The following KLRF2 variants were observed in gnomAD, a reference collection of about 807,000 sequenced individuals.
KLRF2 encodes killer cell lectin like receptor F2.
KLRF2 carries 28 observed loss-of-function variants against 25.3 expected under a neutral mutation model. The observed-to-expected ratio is 1.11, with a 90% CI of 0.82 to 1.52. The LOEUF is 1.52. Ranked by LOEUF, KLRF2 falls within the 40% of genes most tolerant of loss-of-function variation. KLRF2 has a pLI of 0.00. For missense variants in KLRF2, 265 were observed against 245.8 expected, an observed-to-expected ratio of 1.08 and a Z score of -0.52; for synonymous variants, 73 against 85.0, an observed-to-expected ratio of 0.86 and a Z score of 0.78.
At chr12:9,888,630 T>C in intron 2 of KLRF2, 103 bp from the exon 3 acceptor site, 1 of 622,632 alleles carries the variant, frequency 1.6e-6, no homozygotes, top group African/African-American at 1.8e-5. Flanking sequence ...CTCACAATTT[T>C]TATTAGTATG....
chr12:9,893,285 A>G (rs1204286902), intron 4 of KLRF2, 117 bp downstream of exon 4: 53 of 954,356 alleles, frequency 5.6e-5, no homozygotes, highest in East Asian at 4.2e-4. Context: ...GTTAGCCACA[A>G]TGTAGTCACT....
At chr12:9,889,068 A>T (rs1480651123) in intron 3 of KLRF2, among the ~76,000 whole-genome samples, 3 of 152,228 alleles carry the variant, frequency 2.0e-5, no homozygotes, top group Admixed American at 2.0e-4. Flanking sequence ...ATATTTATCG[A>T]GCATCCACTG....
intron 3 of KLRF2, among the ~76,000 whole-genome samples, chr12:9,890,220 A>C (rs1316444390): frequency 6.6e-6 from 1 of 152,210 alleles, no homozygotes; most frequent in East Asian, 1.9e-4. Flanking sequence ...TAACTCCTGC[A>C]TTTGTTTTTG....
At chr12:9,883,676 G>T (rs988437649) in intron 1 of KLRF2, among the ~76,000 whole-genome samples, 2 of 152,150 alleles carry the variant, frequency 1.3e-5, no homozygotes, top group African/African-American at 4.8e-5. Context: ...TGCTTGAACA[G>T]CAGAAATATC....
At chr12:9,894,126 T>TTCTCTCTCTCTCTCTCTCTC (rs141327204) in intron 5 of KLRF2, among the ~76,000 whole-genome samples, 35 of 130,286 alleles carry the variant, frequency 2.7e-4, no homozygotes, top group African/African-American at 8.6e-4. Context: ...TTTCTTTTCT[T>TTCTCTCTCTCTCTCTCTCTC]TCTCTCTCTC....
intron 3 of KLRF2, among the ~76,000 whole-genome samples, chr12:9,890,890 A>T (rs1312508969): frequency 6.6e-6 from 1 of 152,234 alleles, no homozygotes; most frequent in African/African-American, 2.4e-5. Context: ...TTCCTAACAA[A>T]GCTAGCAAAA....
intron 1 of KLRF2, among the ~76,000 whole-genome samples, chr12:9,883,736 A>G (rs1868119121): frequency 6.6e-6 from 1 of 152,244 alleles, no homozygotes; most frequent in Non-Finnish European, 1.5e-5. Context: ...TAATACAGAC[A>G]ATTGAGTAGC....
chr12:9,882,141 C>A (rs542510970), intron 1 of KLRF2, among the ~76,000 whole-genome samples: 47 of 152,170 alleles, frequency 3.1e-4, no homozygotes, highest in Admixed American at 1.2e-3. Flanking sequence ...ATCTTTGCTC[C>A]TTAGGGCTGC....
Position 9,888,383 on chromosome 12 carries a change from G to T in KLRF2, c.170-350G>T, listed in dbSNP as rs376044734. Among the ~76,000 whole-genome samples the T allele has an allele frequency of 1.1e-3, 163 of 151,960 alleles. 2 individuals carry two copies. The highest frequency in any genetic ancestry group is 3.4e-3 in the Middle Eastern group (1 of 294). Reference sequence around the variant, plus strand: ...TGCGCGCCTGTAGTCCCATATGCTCGGGAGGCTGAGGTAGGAGAATGGCGA... The same window carrying T: ...TGCGCGCCTGTAGTCCCATATGCTCTGGAGGCTGAGGTAGGAGAATGGCGA... On this transcript the variant is annotated intron_variant, in intron 2 of 5. Transcript: ENST00000535540.
intron 3 of KLRF2, among the ~76,000 whole-genome samples, chr12:9,889,263 A>T (rs1014280275): frequency 6.6e-6 from 1 of 152,248 alleles, no homozygotes; most frequent in Non-Finnish European, 1.5e-5. Context: ...TTTCATGTAG[A>T]TTAAACAAAC....
At chr12:9,890,334 T>C (rs569260459) in intron 3 of KLRF2, among the ~76,000 whole-genome samples, 74 of 152,344 alleles carry the variant, frequency 4.9e-4, no homozygotes, top group Admixed American at 5.9e-4. Context: ...AATTAAGTCC[T>C]CTGCTCAGGG....
chr12:9,886,779 AAAAG>A (rs1380534083), intron 2 of KLRF2, among the ~76,000 whole-genome samples: 17 of 151,384 alleles, frequency 1.1e-4, no homozygotes, highest in Non-Finnish European at 1.8e-4. Flanking sequence ...AAAAAAAAAA[AAAAG>A]AGAGAAGAAC....
intron 1 of KLRF2, among the ~76,000 whole-genome samples, chr12:9,882,772 CT>C (rs1218930569): frequency 1.2e-4 from 16 of 136,846 alleles, no homozygotes; most frequent in African/African-American, 4.1e-4. Context: ...CAGAGCAAGA[CT>C]CCATATATAA....
chr12:9,884,891 A>C (rs2136994618), intron 1 of KLRF2, 43 bp from the exon 2 acceptor site: 1 of 621,612 alleles, frequency 1.6e-6, no homozygotes, highest in South Asian at 3.0e-5. Context: ...AAAAATATTT[A>C]TAAAGTGAAT....
In KLRF2 at chr12:9,884,308, G is replaced by C. The variant is rs190090560; in HGVS notation, c.71-626G>C. ...GATGTCATATAAGCATCATTAATTG[G>C]AGATCTAATACTACCTAAGCTGAAA... On this transcript the variant is annotated intron_variant, in intron 1 of 5. Transcript: ENST00000535540. Among the ~76,000 whole-genome samples, 159 of 151,974 alleles carry C rather than the reference G, an allele frequency of 1.0e-3. 2 individuals are homozygous for C. Among genetic ancestry groups the C allele is most frequent in the African/African-American group, 3.7e-3 (153 of 41,502 alleles).
chr12:9,881,881 G>C (rs1166138276), intron 1 of KLRF2, among the ~76,000 whole-genome samples: 1 of 152,086 alleles, frequency 6.6e-6, no homozygotes, highest in Non-Finnish European at 1.5e-5. Flanking sequence ...CGAATATGAC[G>C]ATGTGTAATC....
chr12:9,886,262 T>G (rs1264831369), intron 2 of KLRF2, among the ~76,000 whole-genome samples: 1 of 152,160 alleles, frequency 6.6e-6, no homozygotes, highest in Non-Finnish European at 1.5e-5. Context: ...GTTTAAAATA[T>G]TCTTCATGGC....
At chr12:9,891,517 A>T (rs1403864736) in intron 3 of KLRF2, among the ~76,000 whole-genome samples, 1 of 152,170 alleles carries the variant, frequency 6.6e-6, no homozygotes, top group Non-Finnish European at 1.5e-5. Context: ...AAATTATTTC[A>T]TCCAAGTGGC....
chr12:9,882,505 C>A lies in KLRF2; in HGVS notation c.70+840C>A, dbSNP rs540014775. Among the ~76,000 whole-genome samples, 5 of 152,262 alleles carry A rather than the reference C, an allele frequency of 3.3e-5. No individual in the cohort carries two copies. The East Asian group carries it at 5.8e-4, about 18-fold the overall frequency. ...TAAATTGACTGAGGCAGACCAGGCA[C>A]GGTGGCTCATGCCTGTAATCCCAGC... On this transcript the variant is annotated intron_variant, in intron 1 of 5. Coordinates refer to ENST00000535540, the MANE Select transcript of KLRF2 (RefSeq NM_001190765.1).
Sources: gnomAD v4.1 joint callset for allele counts (sites outside exome capture counted in the v4.1 genomes callset) on GRCh38, gnomAD v4.1.1 for gene constraint, MANE v1.5 for transcripts, NCBI Gene and HGNC (gene_info 2026-07-23, HGNC 2026-07-21) for gene names.